NUCKS1: variants seen among roughly 807,000 people sequenced by gnomAD.
NUCKS1 encodes nuclear ubiquitous casein and cyclin-dependent kinase substrate 1.
In NUCKS1, 2 loss-of-function variants were observed where a neutral mutation model predicts 33.0. The ratio of observed to expected loss-of-function variants is 0.06; its 90% CI spans 0.02 to 0.19. The LOEUF is 0.19. NUCKS1 is among the 10% of genes least tolerant of loss of function. NUCKS1 has a pLI of 1.00. For synonymous variants in NUCKS1, 106 were observed against 102.8 expected (o/e 1.03, Z -0.19); for missense variants, 201 against 293.6 (o/e 0.68, Z 2.31).
Position 205,750,088 on chromosome 1 carries a change from A to G in NUCKS1, c.-115T>C. The G allele has an allele frequency of 1.2e-6, 1 of 831,978 alleles. No homozygotes were observed. Among genetic ancestry groups the G allele is most frequent in the South Asian group, 1.5e-5 (1 of 67,096 alleles). 51.5% of individuals were successfully genotyped at this position (831,978 alleles called of 1,614,324 possible). A position where few individuals can be genotyped will look rare whatever the true frequency, so the allele number is the denominator to read the frequency against. On this transcript the variant is annotated 5_prime_UTR_variant, in exon 1 of 7. Coordinates refer to ENST00000367142, the MANE Select transcript of NUCKS1 (RefSeq NM_022731.5). ...CAGCCGATGGGACCGCTGCTGCCGA[A>G]CCCCGAGCTGCTGGCTTCTCAAACT...
At chr1:205,749,472 G>C (rs925289140) in intron 1 of NUCKS1, among the ~76,000 whole-genome samples, 1 of 152,116 alleles carries the variant, frequency 6.6e-6, no homozygotes, top group Non-Finnish European at 1.5e-5. Flanking sequence ...CCGCTACAGA[G>C]AGGGCTCAGG....
intron 4 of NUCKS1, among the ~76,000 whole-genome samples, chr1:205,723,262 G>A (rs1473420889): frequency 6.6e-6 from 1 of 152,168 alleles, no homozygotes; most frequent in Non-Finnish European, 1.5e-5. Context: ...GCAAGGGAAT[G>A]TAGGTCAAAA....
At chr1:205,743,192 C>A (rs554790719) in intron 1 of NUCKS1, among the ~76,000 whole-genome samples, 17 of 152,274 alleles carry the variant, frequency 1.1e-4, no homozygotes, top group African/African-American at 4.1e-4. Flanking sequence ...GCCAAAAAAA[C>A]CCCAAAAACC....
intron 3 of NUCKS1, among the ~76,000 whole-genome samples, chr1:205,726,081 C>T (rs1156671632): frequency 6.6e-6 from 1 of 152,016 alleles, no homozygotes; most frequent in Non-Finnish European, 1.5e-5. Context: ...TGCCCATAGT[C>T]CCAGCTACTC....
intron 1 of NUCKS1, among the ~76,000 whole-genome samples, chr1:205,743,665 A>C (rs1654237201): frequency 6.6e-6 from 1 of 152,188 alleles, no homozygotes; most frequent in Non-Finnish European, 1.5e-5. Flanking sequence ...TACAGTTCTC[A>C]CTTAACGTCA....
chr1:205,749,610 G>A (rs1208335205), intron 1 of NUCKS1, among the ~76,000 whole-genome samples: 1 of 152,044 alleles, frequency 6.6e-6, no homozygotes, highest in African/African-American at 2.4e-5. Flanking sequence ...GGACGGCCCC[G>A]AGGAGGTGGG....
At chr1:205,724,233 G>A (rs983852270) in intron 3 of NUCKS1, among the ~76,000 whole-genome samples, 3 of 152,052 alleles carry the variant, frequency 2.0e-5, no homozygotes, top group African/African-American at 7.2e-5. Flanking sequence ...AACACAGGCT[G>A]GAATTTTTTC....
At chr1:205,725,568 A>G (rs774198262) in intron 3 of NUCKS1, among the ~76,000 whole-genome samples, 5 of 152,244 alleles carry the variant, frequency 3.3e-5, no homozygotes, top group Non-Finnish European at 7.3e-5. Flanking sequence ...GATGAATTAT[A>G]TTATTTTTTC....
chr1:205,741,869 A>G (rs1571587463), intron 1 of NUCKS1, among the ~76,000 whole-genome samples: 1 of 152,302 alleles, frequency 6.6e-6, no homozygotes, highest in East Asian at 1.9e-4. Context: ...TTGTAAATCA[A>G]AGCTAGTTCT....
Position 205,722,886 on chromosome 1 carries a change from T to G in NUCKS1, c.229+1040A>C, listed in dbSNP as rs11240557. 1.1e-4 allele frequency among the ~76,000 whole-genome samples: 17 copies of G among 152,294 alleles called. No individual in the cohort carries two copies. In the East Asian group the frequency reaches 2.9e-3, roughly 26 times the overall value. On this transcript the variant is annotated intron_variant, in intron 4 of 6. Transcript: ENST00000367142. ...GTCATCTCTTTCACTTTTAAAAATC[T>G]CATCTAGAGACAAACAGAATAAAGC...
chr1:205,745,152 ATGAC>A (rs1654286934), intron 1 of NUCKS1, among the ~76,000 whole-genome samples: 1 of 152,246 alleles, frequency 6.6e-6, no homozygotes, highest in Admixed American at 6.5e-5. Flanking sequence ...AAAAAGGAGA[ATGAC>A]TAAGATTTAT....
chr1:205,737,289 C>A (rs1273912024), intron 1 of NUCKS1, among the ~76,000 whole-genome samples: 3 of 152,168 alleles, frequency 2.0e-5, no homozygotes, highest in Non-Finnish European at 4.4e-5. Context: ...ATTCCAATGA[C>A]TAAAACCTCC....
At chr1:205,744,224 C>G (rs186214792) in intron 1 of NUCKS1, among the ~76,000 whole-genome samples, 1 of 152,310 alleles carries the variant, frequency 6.6e-6, no homozygotes, top group African/African-American at 2.4e-5. Context: ...GAAAAGATCA[C>G]GAACTGGCTT....
At position 205,750,015 on chromosome 1, in the gene NUCKS1, A is replaced by AGGGGGGGGG; in HGVS notation, c.-43_-42insCCCCCCCCC. 3 of 1,506,238 alleles carry AGGGGGGGGG rather than the reference A, an allele frequency of 2.0e-6. No homozygotes were observed. Among genetic ancestry groups the AGGGGGGGGG allele is most frequent in the East Asian group, 2.8e-5 (1 of 36,318 alleles). 93.3% of individuals were successfully genotyped at this position (1,506,238 alleles called of 1,614,324 possible). On this transcript the variant is annotated 5_prime_UTR_variant, in exon 1 of 7. Transcript: ENST00000367142. ...GGACCGAGTCGAGAAGCCAAAGACCAGGACCCCCCCCACCCCGCGCGCTCG... is the reference window on the plus strand; with the variant it reads ...GGACCGAGTCGAGAAGCCAAAGACCAGGGGGGGGGGGACCCCCCCCACCCCGCGCGCTCG...
chr1:205,738,234 G>C (rs577439547), intron 1 of NUCKS1, among the ~76,000 whole-genome samples: 6 of 152,064 alleles, frequency 3.9e-5, no homozygotes, highest in African/African-American at 1.4e-4. Flanking sequence ...CATCATGTTG[G>C]CCAGGCTGGT....
At position 205,750,056 on chromosome 1, in the gene NUCKS1, C is replaced by A; in HGVS notation, c.-83G>T. On this transcript the variant is annotated 5_prime_UTR_variant, in exon 1 of 7. Transcript: ENST00000367142. ...CGCGCGCTCGGCGCCCCACCCCCCC[C>A]GAACTTCAGCCGATGGGACCGCTGC... 7.8e-7 allele frequency: 1 copy of A among 1,285,786 alleles called. No individual in the cohort carries two copies. The highest frequency in any genetic ancestry group is 1.0e-6 in the Non-Finnish European group (1 of 960,580). 79.6% of individuals were successfully genotyped at this position (1,285,786 alleles called of 1,614,324 possible). A position where few individuals can be genotyped will look rare whatever the true frequency, so the allele number is the denominator to read the frequency against.
intron 1 of NUCKS1, among the ~76,000 whole-genome samples, chr1:205,749,584 C>G (rs1307053305): frequency 2.0e-5 from 3 of 152,052 alleles, no homozygotes; most frequent in Non-Finnish European, 2.9e-5. Flanking sequence ...CCCGCCTCCC[C>G]GCGCTGGCTC....
chr1:205,724,154 T>C (rs549004330), intron 3 of NUCKS1, 173 bp from the exon 4 acceptor site: 1 of 649,740 alleles, frequency 1.5e-6, no homozygotes, highest in Admixed American at 2.4e-5. Flanking sequence ...TGCTGGTGAA[T>C]AAGCACAATT....
chr1:205,748,428 TAAAGA>T (rs1654384896), intron 1 of NUCKS1, among the ~76,000 whole-genome samples: 1 of 152,240 alleles, frequency 6.6e-6, no homozygotes, highest in Non-Finnish European at 1.5e-5. Flanking sequence ...TACCTGATCC[TAAAGA>T]AAATATTCTA....
Sources: allele counts gnomAD v4.1 joint callset (sites outside exome capture counted in the v4.1 genomes callset), GRCh38; gene constraint gnomAD v4.1.1; transcripts MANE v1.5; gene names NCBI Gene and HGNC (gene_info 2026-07-23, HGNC 2026-07-21).